RUFY3: variants seen among roughly 807,000 people sequenced by gnomAD.
RUFY3 encodes the protein RUN and FYVE domain containing 3.
Under a neutral mutation model 84.0 loss-of-function variants are expected in RUFY3, and 34 were observed. The ratio of observed to expected loss-of-function variants is 0.40; its 90% CI spans 0.31 to 0.54. The LOEUF is 0.54. Among genes scored for constraint, RUFY3 ranks in the 20% least tolerant of loss-of-function variants. The pLI is 0.39. For synonymous variants in RUFY3, 242 were observed against 252.9 expected (o/e 0.96, Z 0.41); for missense variants, 507 against 736.8 (o/e 0.69, Z 3.61).
chr4:70,805,714 T>C (rs563315290), intron 17 of RUFY3, among the ~76,000 whole-genome samples: 4 of 152,336 alleles, frequency 2.6e-5, no homozygotes, highest in Non-Finnish European at 5.9e-5. Context: ...CAATATTAGC[T>C]TCTGTATGTC....
intron 1 of RUFY3, among the ~76,000 whole-genome samples, chr4:70,707,991 G>A (rs1010754393): frequency 1.3e-5 from 2 of 152,148 alleles, no homozygotes; most frequent in Admixed American, 6.5e-5. Context: ...GGTGCTGGTG[G>A]CTCACACCTG....
At chr4:70,753,744 C>T (rs777033475) in intron 1 of RUFY3, among the ~76,000 whole-genome samples, 1 of 152,096 alleles carries the variant, frequency 6.6e-6, no homozygotes, top group South Asian at 2.1e-4. Flanking sequence ...TTCTCTGGTT[C>T]CAGGTATATT....
At chr4:70,791,606 A>C (rs1730828125) in intron 12 of RUFY3, 1 of 1,181,146 alleles carries the variant, frequency 8.5e-7, no homozygotes, top group Admixed American at 4.4e-5. Context: ...TAGGGAATTG[A>C]AGCTCTGTAC....
intron 15 of RUFY3, among the ~76,000 whole-genome samples, chr4:70,801,852 G>A (rs1042627512): frequency 1.3e-5 from 2 of 152,118 alleles, no homozygotes; most frequent in African/African-American, 4.8e-5. Flanking sequence ...AATTAACCTG[G>A]GCTTCCAGGT....
At chr4:70,788,760 A>G (rs749645726) in intron 10 of RUFY3, 46 bp from the exon 11 acceptor site, 1 of 1,600,244 alleles carries the variant, frequency 6.2e-7, no homozygotes, top group South Asian at 1.1e-5. Context: ...GTTTGTACTT[A>G]GTTGAAGGAA....
intron 10 of RUFY3, among the ~76,000 whole-genome samples, chr4:70,786,747 G>A (rs920307923): frequency 2.9e-4 from 44 of 151,988 alleles, no homozygotes; most frequent in Middle Eastern, 3.4e-3. Flanking sequence ...CCAGGTGCTA[G>A]TGTTATTATA....
intron 1 of RUFY3, among the ~76,000 whole-genome samples, chr4:70,734,907 T>C (rs1044423606): frequency 6.6e-6 from 1 of 152,240 alleles, no homozygotes; most frequent in African/African-American, 2.4e-5. Context: ...AAACAGAGCT[T>C]CTACTTGAAT....
intron 14 of RUFY3, among the ~76,000 whole-genome samples, chr4:70,798,236 G>A (rs754369419): frequency 6.6e-6 from 1 of 151,674 alleles, no homozygotes; most frequent in African/African-American, 2.4e-5. Context: ...CGGTGTGGTG[G>A]CTCGTGCCTA....
intron 12 of RUFY3, chr4:70,791,101 GAAAGAGAA>G (rs1730736226): frequency 1.0e-5 from 6 of 575,846 alleles, no homozygotes; most frequent in African/African-American, 1.9e-5. Flanking sequence ...AAAGCAAACA[GAAAGAGAA>G]TAATGACTTA....
At chr4:70,802,747 G>C (rs1732384092) in intron 15 of RUFY3, 2 of 443,548 alleles carry the variant, frequency 4.5e-6, no homozygotes, top group South Asian at 5.5e-5. Context: ...AATAAGTCAA[G>C]GGTCAGATTC....
intron 1 of RUFY3, among the ~76,000 whole-genome samples, chr4:70,713,502 A>C (rs1274090602): frequency 6.6e-6 from 1 of 151,296 alleles, no homozygotes; most frequent in South Asian, 2.1e-4. Context: ...TTTATCTGAC[A>C]TGCTCCCTAC....
At chr4:70,797,736 G>A (rs561250385) in intron 14 of RUFY3, among the ~76,000 whole-genome samples, 6 of 152,018 alleles carry the variant, frequency 3.9e-5, no homozygotes, top group African/African-American at 9.6e-5. Flanking sequence ...CCAGCTACTC[G>A]GGAGGCTGAG....
At chr4:70,744,580 G>C (rs1374269136) in intron 1 of RUFY3, among the ~76,000 whole-genome samples, 9 of 151,924 alleles carry the variant, frequency 5.9e-5, no homozygotes, top group Admixed American at 4.6e-4. Flanking sequence ...GACTCTAGTG[G>C]GTTGCAGATT....
chr4:70,774,241 A>G (rs1727455943), intron 6 of RUFY3, among the ~76,000 whole-genome samples: 2 of 152,018 alleles, frequency 1.3e-5, no homozygotes, highest in South Asian at 2.1e-4. Context: ...CTGGCTGTTT[A>G]TCTTTTGTCT....
In RUFY3 at chr4:70,774,647, AT is replaced by A. The variant is rs1727599881; in HGVS notation, c.759-520del. ...AAAAAAAAAAAAAAAAAAAAAAAAT[AT>A]ATATATATATATATATATATATAAA... On this transcript the variant is annotated intron_variant, in intron 6 of 17. Transcript: ENST00000381006. Among the ~76,000 whole-genome samples the A allele has an allele frequency of 1.6e-3, 138 of 85,900 alleles. 1 individual carries two copies. The highest frequency in any genetic ancestry group is 2.0e-3 in the Non-Finnish European group (89 of 45,136). 56.4% of individuals were successfully genotyped at this position (85,900 alleles called of 152,430 possible).
intron 1 of RUFY3, among the ~76,000 whole-genome samples, chr4:70,756,692 G>C (rs1003409723): frequency 2.0e-5 from 3 of 151,986 alleles, no homozygotes; most frequent in African/African-American, 7.3e-5. Context: ...AGAAACACAC[G>C]GGGCCCCTAA....
At chr4:70,756,056 T>C (rs1055916448) in intron 1 of RUFY3, among the ~76,000 whole-genome samples, 3 of 152,192 alleles carry the variant, frequency 2.0e-5, no homozygotes, top group African/African-American at 4.8e-5. Context: ...TCCAGTGCTC[T>C]TGCTGTATTC....
At chr4:70,738,426 G>A (rs12331139) in intron 1 of RUFY3, among the ~76,000 whole-genome samples, 13,074 of 136,506 alleles carry the variant, frequency 0.096, 1,291 homozygotes, top group African/African-American at 0.26. Context: ...GCAGTGGCAC[G>A]ATCTTGGCTC....
rs1374571860 is a variant in RUFY3, at chr4:70,793,127, CAG to C, written c.1338-655_1338-654del. 2.2e-5 allele frequency: 22 copies of C among 985,230 alleles called. No homozygotes were observed. The East Asian group carries it at 4.5e-4, about 20-fold the overall frequency. The allele number at this position is 985,230 out of a possible 1,614,324, so 61.0% of individuals were successfully genotyped here. A position where few individuals can be genotyped will look rare whatever the true frequency, so the allele number is the denominator to read the frequency against. On this transcript the variant is annotated intron_variant, in intron 12 of 17. Transcript: ENST00000381006. ...ATCAGAATCTTCTGGAGAATATGGT[CAG>C]AGTCTTAAACAGGCCCAGTGCTGAG...
Sources: gnomAD v4.1 joint callset for allele counts (sites outside exome capture counted in the v4.1 genomes callset) on GRCh38, gnomAD v4.1.1 for gene constraint, MANE v1.5 for transcripts, NCBI Gene and HGNC (gene_info 2026-07-23, HGNC 2026-07-21) for gene names.